Variants in TRPC4 observed in about 807,000 individuals in gnomAD.
TRPC4 encodes the protein short transient receptor potential channel 4.
TRPC4 carries 49 observed loss-of-function variants against 99.4 expected under a neutral mutation model. The ratio of observed to expected loss-of-function variants is 0.49; its 90% CI spans 0.39 to 0.63. The LOEUF (loss-of-function observed/expected upper bound fraction) is 0.63, where lower values mean the gene tolerates loss of function less well. Ranked by LOEUF, TRPC4 falls within the 20% of genes least tolerant of loss-of-function variation. The probability of loss-of-function intolerance (pLI) is 0.00; values close to 1 mark genes in which losing one functional copy is unlikely to be tolerated. For missense variants in TRPC4, 898 were observed against 1,152.9 expected, an observed-to-expected ratio of 0.78 and a Z score of 3.20; for synonymous variants, 454 against 425.9, an observed-to-expected ratio of 1.07 and a Z score of -0.81.
intron 3 of TRPC4, among the ~76,000 whole-genome samples, chr13:37,724,899 G>A (rs1053510680): frequency 6.6e-6 from 1 of 152,116 alleles, no homozygotes; most frequent in East Asian, 1.9e-4. Context: ...TATAGATGGA[G>A]AAAACGTTAA....
intron 1 of TRPC4, among the ~76,000 whole-genome samples, chr13:37,784,640 T>C (rs1218354195): frequency 5.9e-5 from 9 of 152,080 alleles, no homozygotes. Flanking sequence ...TGCATATTCT[T>C]TTTAAATGAT....
intron 3 of TRPC4, among the ~76,000 whole-genome samples, chr13:37,714,035 G>C (rs1026471992): frequency 1.3e-5 from 2 of 151,340 alleles, no homozygotes; most frequent in Non-Finnish European, 3.0e-5. Context: ...ACCCAAGCTT[G>C]CTTCCTTCCT....
chr13:37,754,807 A>G (rs1231545261), intron 2 of TRPC4, among the ~76,000 whole-genome samples: 1 of 152,154 alleles, frequency 6.6e-6, no homozygotes, highest in African/African-American at 2.4e-5. Flanking sequence ...AATTATTTTG[A>G]TAACACACAG....
chr13:37,651,476 G>A lies in TRPC4; in HGVS notation c.1885-17C>T, dbSNP rs1434387837. On this transcript the variant is annotated splice_polypyrimidine_tract_variant and intron_variant, in intron 7 of 10. Transcript: ENST00000379705. Reference sequence around the variant, plus strand: ...TGCATGGTCCTGAACAGGAGAACATGACAACTGATGATAGGTTCCTTAATT... The same window carrying A: ...TGCATGGTCCTGAACAGGAGAACATAACAACTGATGATAGGTTCCTTAATT... The A allele has an allele frequency of 5.6e-6, 9 of 1,607,448 alleles. No homozygotes were observed. The highest frequency in any genetic ancestry group is 4.5e-5 in the East Asian group (2 of 44,836).
chr13:37,844,477 T>G (rs1958831684), intron 1 of TRPC4, among the ~76,000 whole-genome samples: 1 of 152,094 alleles, frequency 6.6e-6, no homozygotes, highest in Non-Finnish European at 1.5e-5. Flanking sequence ...GTATGTTTAG[T>G]ATAGGCAGGG....
At chr13:37,648,000 T>A (rs1429458566) in intron 8 of TRPC4, among the ~76,000 whole-genome samples, 2 of 152,238 alleles carry the variant, frequency 1.3e-5, no homozygotes, top group Admixed American at 6.5e-5. Flanking sequence ...TGGAGTGCAG[T>A]GGTGCGATCT....
Position 37,824,200 on chromosome 13 carries a change from A to C in TRPC4, c.-27-40840T>G, listed in dbSNP as rs1265317721. 4.5e-3 allele frequency among the ~76,000 whole-genome samples: 653 copies of C among 146,172 alleles called. 4 individuals are homozygous for C. Among genetic ancestry groups the C allele is most frequent in the African/African-American group, 0.016 (607 of 38,762 alleles). ...GAGACAATGGGGTTTTCTAGATATAAAATCATGTCATCTGCAAACAGGGAC... is the reference window on the plus strand; with the variant it reads ...GAGACAATGGGGTTTTCTAGATATACAATCATGTCATCTGCAAACAGGGAC... On this transcript the variant is annotated intron_variant, in intron 1 of 10. Coordinates refer to ENST00000379705, the MANE Select transcript of TRPC4 (RefSeq NM_016179.4).
intron 1 of TRPC4, among the ~76,000 whole-genome samples, chr13:37,818,996 A>G (rs904035755): frequency 1.3e-5 from 2 of 151,984 alleles, no homozygotes; most frequent in Non-Finnish European, 2.9e-5. Flanking sequence ...AAAAATTTTT[A>G]AAAACCATTA....
intron 3 of TRPC4, among the ~76,000 whole-genome samples, chr13:37,720,859 T>C (rs2139033021): frequency 6.6e-6 from 1 of 152,356 alleles, no homozygotes; most frequent in Admixed American, 6.5e-5. Context: ...AGGATATTTA[T>C]GCAACTTAAC....
At chr13:37,641,136 T>G (rs1201935959) in intron 8 of TRPC4, among the ~76,000 whole-genome samples, 1 of 152,164 alleles carries the variant, frequency 6.6e-6, no homozygotes, top group African/African-American at 2.4e-5. Context: ...GTACAAACTG[T>G]CTTTCCTTCA....
At position 37,848,034 on chromosome 13, in the gene TRPC4, G is replaced by C. The variant is rs188161874; in HGVS notation, c.-28+21561C>G. On this transcript the variant is annotated intron_variant, in intron 1 of 10. Transcript: ENST00000379705. ...GTACAGATGGCCTACAACTTACAATGGTTCAAGTTATGATTTTTCAACTTT... is the reference window on the plus strand; with the variant it reads ...GTACAGATGGCCTACAACTTACAATCGTTCAAGTTATGATTTTTCAACTTT... 4.0e-3 allele frequency among the ~76,000 whole-genome samples: 603 copies of C among 152,162 alleles called. 1 individual carries two copies. The highest frequency in any genetic ancestry group is 6.6e-3 in the Non-Finnish European group (452 of 67,972).
At chr13:37,824,587 G>C (rs374640171) in intron 1 of TRPC4, among the ~76,000 whole-genome samples, 5 of 151,678 alleles carry the variant, frequency 3.3e-5, no homozygotes, top group Non-Finnish European at 5.9e-5. Flanking sequence ...ATTGATTTGC[G>C]TATATTGAAC....
intron 2 of TRPC4, among the ~76,000 whole-genome samples, chr13:37,747,938 G>T (rs77021162): frequency 6.6e-6 from 1 of 152,090 alleles, no homozygotes; most frequent in African/African-American, 2.4e-5. Context: ...CACAAGTACT[G>T]CAATCTCGTG....
intron 3 of TRPC4, among the ~76,000 whole-genome samples, chr13:37,735,881 T>C (rs1401665484): frequency 6.6e-6 from 1 of 152,240 alleles, no homozygotes; most frequent in East Asian, 1.9e-4. Context: ...AATTTGAAAC[T>C]ACAATTTGCT....
chr13:37,839,477 T>C (rs1958670544), intron 1 of TRPC4, among the ~76,000 whole-genome samples: 1 of 152,330 alleles, frequency 6.6e-6, no homozygotes, highest in African/African-American at 2.4e-5. Context: ...AAAGTTACAG[T>C]CAATCAATTT....
At chr13:37,715,493 A>C (rs1044683100) in intron 3 of TRPC4, among the ~76,000 whole-genome samples, 1 of 152,200 alleles carries the variant, frequency 6.6e-6, no homozygotes. Flanking sequence ...ATCAAATGAG[A>C]TAAAGGATGT....
At chr13:37,812,619 A>T (rs1391455437) in intron 1 of TRPC4, among the ~76,000 whole-genome samples, 1 of 152,108 alleles carries the variant, frequency 6.6e-6, no homozygotes, top group Non-Finnish European at 1.5e-5. Context: ...AAAGAGCATT[A>T]TTAAGCTGTG....
chr13:37,676,954 C>T lies in TRPC4; in HGVS notation c.1235-2587G>A, dbSNP rs185029233. 8.5e-3 allele frequency among the ~76,000 whole-genome samples: 1,292 copies of T among 151,408 alleles called. 19 individuals carry two copies. The highest frequency in any genetic ancestry group is 0.03 in the African/African-American group (1,233 of 41,332). ...ATATATATGTTATACATATAAAATA[C>T]ATATATTTATTTTTATTTAAAAGTT... On this transcript the variant is annotated intron_variant, in intron 4 of 10. Transcript: ENST00000379705.
chr13:37,848,521 T>C (rs1411094478), intron 1 of TRPC4, among the ~76,000 whole-genome samples: 1 of 152,048 alleles, frequency 6.6e-6, no homozygotes, highest in Non-Finnish European at 1.5e-5. Flanking sequence ...TAAGAGCACA[T>C]AGATAGAGGG....
Sources: gnomAD v4.1 joint callset for allele counts (sites outside exome capture counted in the v4.1 genomes callset) on GRCh38, gnomAD v4.1.1 for gene constraint, MANE v1.5 for transcripts, NCBI Gene and HGNC (gene_info 2026-07-23, HGNC 2026-07-21) for gene names.